Variants in SLC44A5 observed in about 807,000 individuals in gnomAD.
The protein encoded by SLC44A5 is solute carrier family 44 member 5.
In SLC44A5, 57 loss-of-function variants were observed where a neutral mutation model predicts 101.8. That is an observed-to-expected ratio of 0.56 (90% CI 0.45 to 0.70). The LOEUF (loss-of-function observed/expected upper bound fraction) is 0.70, where lower values mean the gene tolerates loss of function less well. Ranked by LOEUF, SLC44A5 falls within the 30% of genes least tolerant of loss-of-function variation. The probability of loss-of-function intolerance (pLI) is 0.00; values close to 1 mark genes in which losing one functional copy is unlikely to be tolerated. For missense variants in SLC44A5, 737 were observed against 853.1 expected (o/e 0.86, Z 1.70); for synonymous variants, 281 against 290.9 (o/e 0.97, Z 0.35).
At chr1:75,366,336 T>G (rs145789282) in intron 3 of SLC44A5, among the ~76,000 whole-genome samples, 45 of 152,276 alleles carry the variant, frequency 3.0e-4, no homozygotes, top group African/African-American at 1.0e-3. Context: ...GCCTTTTGAA[T>G]ATATAATCCC....
At chr1:75,437,492 C>T (rs1490355624) in intron 2 of SLC44A5, among the ~76,000 whole-genome samples, 1 of 152,088 alleles carries the variant, frequency 6.6e-6, no homozygotes, top group Non-Finnish European at 1.5e-5. Context: ...ACTTAAAGGA[C>T]TTATAAGACA....
chr1:75,279,760 G>A lies in SLC44A5; in HGVS notation c.176-4718C>T, dbSNP rs1474528807. Among the ~76,000 whole-genome samples, 5 of 101,260 alleles carry A rather than the reference G, an allele frequency of 4.9e-5. No individual in the cohort carries two copies. The East Asian group carries it at 1.7e-3, about 34-fold the overall frequency. 66.4% of individuals were successfully genotyped at this position (101,260 alleles called of 152,430 possible). On this transcript the variant is annotated intron_variant, in intron 5 of 23. Transcript: ENST00000370859. Reference sequence around the variant, plus strand: ...TGTTTGTATGTATGTATACATGTATGTATGTATTTTTATTTCAGGGTTTTG... The same window carrying A: ...TGTTTGTATGTATGTATACATGTATATATGTATTTTTATTTCAGGGTTTTG...
chr1:75,416,727 C>A (rs1159838477), intron 2 of SLC44A5, among the ~76,000 whole-genome samples: 1 of 152,232 alleles, frequency 6.6e-6, no homozygotes, highest in Non-Finnish European at 1.5e-5. Context: ...CCACCTCTTG[C>A]ATCAGCATGA....
intron 4 of SLC44A5, among the ~76,000 whole-genome samples, chr1:75,306,940 G>A (rs978137204): frequency 2.0e-5 from 3 of 151,628 alleles, no homozygotes; most frequent in Non-Finnish European, 4.4e-5. Flanking sequence ...GGGTTTCACC[G>A]TGTTAGCCAG....
At chr1:75,541,002 G>A (rs1671325355) in intron 2 of SLC44A5, among the ~76,000 whole-genome samples, 2 of 152,148 alleles carry the variant, frequency 1.3e-5, no homozygotes, top group South Asian at 4.1e-4. Context: ...CTCTAACTTT[G>A]TCTCAATACG....
chr1:75,355,572 T>C (rs1353045153), intron 3 of SLC44A5, among the ~76,000 whole-genome samples: 4 of 152,194 alleles, frequency 2.6e-5, no homozygotes, highest in Non-Finnish European at 5.9e-5. Context: ...AGGTCCTCAA[T>C]AAAAATTAGA....
Position 75,217,856 on chromosome 1 carries a change from G to A in SLC44A5, c.1624+10C>T, listed in dbSNP as rs200078177. The A allele has an allele frequency of 1.3e-3, 1,957 of 1,538,960 alleles. 1 individual carries two copies. Among genetic ancestry groups the A allele is most frequent in the Non-Finnish European group, 1.6e-3 (1,756 of 1,112,242 alleles). On this transcript the variant is annotated intron_variant, in intron 18 of 23. Transcript: ENST00000370859. ...TATCTTCACAAAAGTCAGGACATCT[G>A]AAATCTTACGTTTAAGACGGTGGTC...
chr1:75,208,288 A>T (rs1646787024), intron 23 of SLC44A5, among the ~76,000 whole-genome samples: 1 of 152,112 alleles, frequency 6.6e-6, no homozygotes, highest in Non-Finnish European at 1.5e-5. Flanking sequence ...CCTCCAGAGT[A>T]GCTGGGATTA....
At chr1:75,650,774 C>A in the SLC44A5 span, among the ~76,000 whole-genome samples, 2 of 150,830 alleles carry the variant, frequency 1.3e-5, no homozygotes, top group Non-Finnish European at 2.9e-5. Context: ...CATGTGCCAC[C>A]ACACCCAGCT....
At chr1:75,508,054 C>G (rs550939877) in intron 2 of SLC44A5, among the ~76,000 whole-genome samples, 37 of 151,674 alleles carry the variant, frequency 2.4e-4, no homozygotes, top group African/African-American at 9.0e-4. Context: ...ATCCATCAAC[C>G]ATGGAATAAA....
At chr1:75,583,889 G>A (rs766135272) in intron 1 of SLC44A5, among the ~76,000 whole-genome samples, 1 of 152,210 alleles carries the variant, frequency 6.6e-6, no homozygotes, top group Non-Finnish European at 1.5e-5. Context: ...GCCAAAGGCA[G>A]ATCACAGACC....
chr1:75,550,770 T>A (rs1671895406), intron 1 of SLC44A5, among the ~76,000 whole-genome samples: 1 of 152,002 alleles, frequency 6.6e-6, no homozygotes, highest in Admixed American at 6.6e-5. Flanking sequence ...AAGGAAGACA[T>A]CCAGAATTAC....
chr1:75,654,475 A>G, the SLC44A5 span, among the ~76,000 whole-genome samples: 2 of 152,144 alleles, frequency 1.3e-5, no homozygotes, highest in Non-Finnish European at 2.9e-5. Context: ...ATGATACACA[A>G]TCTGGAGGCT....
At chr1:75,587,978 G>T (rs1461699121) in intron 1 of SLC44A5, among the ~76,000 whole-genome samples, 1 of 152,128 alleles carries the variant, frequency 6.6e-6, no homozygotes, top group South Asian at 2.1e-4. Flanking sequence ...AGAATAATTG[G>T]ATTTCAGGCA....
chr1:75,443,927 TA>T (rs1222503906), intron 2 of SLC44A5, among the ~76,000 whole-genome samples: 1 of 152,058 alleles, frequency 6.6e-6, no homozygotes, highest in African/African-American at 2.4e-5. Context: ...AAATGATTTT[TA>T]AAAACCATAT....
At chr1:75,219,483 T>C (rs979696022) in intron 15 of SLC44A5, 139 bp from the exon 16 acceptor site, 1 of 685,426 alleles carries the variant, frequency 1.5e-6, no homozygotes, top group African/African-American at 1.8e-5. Flanking sequence ...TCATCTATTT[T>C]TCAGGCCTAG....
At chr1:75,527,933 C>T (rs1396880054) in intron 2 of SLC44A5, among the ~76,000 whole-genome samples, 2 of 152,168 alleles carry the variant, frequency 1.3e-5, no homozygotes, top group Non-Finnish European at 2.9e-5. Flanking sequence ...CTGAACTTCA[C>T]TCTGTAATTG....
intron 6 of SLC44A5, among the ~76,000 whole-genome samples, chr1:75,268,382 G>A (rs764707370): frequency 2.6e-5 from 4 of 152,014 alleles, no homozygotes; most frequent in Non-Finnish European, 4.4e-5. Flanking sequence ...TCTCTGTTAG[G>A]CCATCTGCTT....
chr1:75,688,504 G>A, the SLC44A5 span, among the ~76,000 whole-genome samples: 1 of 152,224 alleles, frequency 6.6e-6, no homozygotes, highest in Non-Finnish European at 1.5e-5. Context: ...TGGCCATGCT[G>A]AATCATCTCT....
Sources: gnomAD v4.1 joint callset for allele counts (sites outside exome capture counted in the v4.1 genomes callset) on GRCh38, gnomAD v4.1.1 for gene constraint, MANE v1.5 for transcripts, NCBI Gene and HGNC (gene_info 2026-07-23, HGNC 2026-07-21) for gene names.